Variants in FAM83E observed in about 807,000 individuals in gnomAD.
FAM83E encodes the protein scaffolding CK1 anchoring protein E.
A neutral mutation model predicts 34.3 loss-of-function variants in FAM83E; 29 were observed. The observed-to-expected ratio is 0.85, with a 90% CI of 0.63 to 1.15. The LOEUF (loss-of-function observed/expected upper bound fraction) is 1.15, where lower values mean the gene tolerates loss of function less well. Ranked by LOEUF, FAM83E falls within the 50% of genes most tolerant of loss-of-function variation. The pLI, the probability that FAM83E is intolerant of heterozygous loss-of-function variation, is 0.00. For synonymous variants in FAM83E, 312 were observed against 311.6 expected (o/e 1.00, Z -0.01); for missense variants, 697 against 685.0 (o/e 1.02, Z -0.20).
rs745813433 is a variant in FAM83E, at chr19:48,603,773, G to A, written c.897C>T (p.Pro299=). The part of the protein sequence containing the change: ...CPLPPAPPQK[P]SVIGGLQRGR... ...CCCGCTGCAGGCCACCTATGACCGAGGGTTTCTGGGGGGGCGCAGGTGGGA... is the reference window on the plus strand; with the variant it reads ...CCCGCTGCAGGCCACCTATGACCGAAGGTTTCTGGGGGGGCGCAGGTGGGA... Residue 299 remains proline (P), a synonymous_variant, in exon 6 of 7, where the codon CCC becomes CCT. Transcript: ENST00000263266. 2.6e-5 allele frequency: 41 copies of A among 1,587,842 alleles called. No homozygotes were observed. The highest frequency in any genetic ancestry group is 3.2e-5 in the Non-Finnish European group (38 of 1,169,582).
chr19:48,606,976 G>A (rs372910625), intron 5 of FAM83E: 14 of 1,603,178 alleles, frequency 8.7e-6, no homozygotes, highest in Non-Finnish European at 9.3e-6. Context: ...CCGCCAGGCC[G>A]CCATGGTCCT....
intron 3 of FAM83E, among the ~76,000 whole-genome samples, chr19:48,611,593 G>T (rs1974042876): frequency 6.7e-6 from 1 of 150,280 alleles, no homozygotes. Flanking sequence ...TCAGCCTCCA[G>T]AGTAGCTGGG....
At chr19:48,607,273 G>A (rs1451826190) in intron 5 of FAM83E, 1 of 1,602,302 alleles carries the variant, frequency 6.2e-7, no homozygotes, top group Non-Finnish European at 8.5e-7. Flanking sequence ...GTGTAACAGA[G>A]CCCCGAGCAG....
chr19:48,600,931 G>T lies in FAM83E; in HGVS notation c.*178C>A. On this transcript the variant is annotated 3_prime_UTR_variant, in exon 7 of 7. Transcript: ENST00000263266. ...GCCTCCCAAAGTGCAGGGATTACAG[G>T]CATGAGCCACCACTCCCGGCCCAAG... 7.3e-7 allele frequency: 1 copy of T among 1,364,762 alleles called. No homozygotes were observed. Among genetic ancestry groups the T allele is most frequent in the Non-Finnish European group, 9.6e-7 (1 of 1,045,878 alleles). The allele number at this position is 1,364,762 out of a possible 1,614,324, so 84.5% of individuals were successfully genotyped here. A position where few individuals can be genotyped will look rare whatever the true frequency, so the allele number is the denominator to read the frequency against.
At chr19:48,602,326 G>C (rs1468743296) in intron 6 of FAM83E, among the ~76,000 whole-genome samples, 1 of 150,986 alleles carries the variant, frequency 6.6e-6, no homozygotes, top group African/African-American at 2.4e-5. Context: ...AGCAGCAGGA[G>C]GAGGGACAGA....
intron 4 of FAM83E, 49 bp from the exon 5 acceptor site, chr19:48,610,049 T>C (rs1203462583): frequency 6.3e-7 from 1 of 1,594,190 alleles, no homozygotes; most frequent in Non-Finnish European, 8.5e-7. Flanking sequence ...GCCCACTGCA[T>C]GGATTCAGGC....
Position 48,612,705 on chromosome 19 carries a change from C to T in FAM83E, c.465+203G>A, listed in dbSNP as rs530123578. Among the ~76,000 whole-genome samples, 29 of 152,178 alleles carry T rather than the reference C, an allele frequency of 1.9e-4. No individual in the cohort carries two copies. In the South Asian group the frequency reaches 5.8e-3, roughly 31 times the overall value. The stretch of plus-strand genomic sequence containing the variant: ...GCGTGAGCCACCGCGCCCGGCCGGG[C>T]CCCCCTTTCTGAGAGTAAGGATGAG... On this transcript the variant is annotated intron_variant, in intron 3 of 6. Transcript: ENST00000263266.
rs573927938 is a variant in FAM83E at position 48,612,697 on chromosome 19, C to T, written c.465+211G>A. Reference sequence around the variant, plus strand: ...AATTACAGGCGTGAGCCACCGCGCCCGGCCGGGCCCCCCTTTCTGAGAGTA... The same window carrying T: ...AATTACAGGCGTGAGCCACCGCGCCTGGCCGGGCCCCCCTTTCTGAGAGTA... On this transcript the variant is annotated intron_variant, in intron 3 of 6. Coordinates refer to ENST00000263266, the MANE Select transcript of FAM83E (RefSeq NM_017708.4). Among the ~76,000 whole-genome samples, 17 of 152,240 alleles carry T rather than the reference C, an allele frequency of 1.1e-4. No individual in the cohort carries two copies. The South Asian group carries it at 2.7e-3, about 24-fold the overall frequency.
In FAM83E at chr19:48,603,534, C is replaced by G. The variant is rs745323940; in HGVS notation, c.1136G>C (p.Arg379Pro). The G allele has an allele frequency of 6.4e-7, 1 of 1,568,760 alleles. No homozygotes were observed. The highest frequency in any genetic ancestry group is 8.6e-7 in the Non-Finnish European group (1 of 1,165,584). The change falls in exon 6 of 7, where the codon CGC becomes CCC. Residue 379 changes from arginine to proline, a missense_variant. Arg to Pro is a moderately radical substitution (Grantham distance 103). Coordinates refer to ENST00000263266, the MANE Select transcript of FAM83E (RefSeq NM_017708.4). ...RPSRSMWDLS[R>P]LSQLSGSSDG... Reference sequence around the variant, plus strand: ...ACTGGAGCCAGACAGCTGGGACAGGCGGCTTAGGTCCCACATGGAGCGGCT... The same window carrying G: ...ACTGGAGCCAGACAGCTGGGACAGGGGGCTTAGGTCCCACATGGAGCGGCT...
intron 6 of FAM83E, among the ~76,000 whole-genome samples, chr19:48,601,773 A>G (rs1272481063): frequency 6.6e-6 from 1 of 151,304 alleles, no homozygotes; most frequent in East Asian, 1.9e-4. Flanking sequence ...TCAAAAAAAA[A>G]AAAAGGAAGT....
intron 3 of FAM83E, among the ~76,000 whole-genome samples, chr19:48,612,141 T>G (rs1439961059): frequency 2.0e-5 from 3 of 152,164 alleles, no homozygotes; most frequent in African/African-American, 7.2e-5. Context: ...CGGTACAGGG[T>G]TCCGGGACGA....
rs980234267 is a variant in FAM83E at position 48,612,889 on chromosome 19, G to C, written c.465+19C>G. Reference sequence around the variant, plus strand: ...CGTCCCAGTCTGGTGAATGGACACAGGGCCCCCGCGACACCCACCTTGTGG... The same window carrying C: ...CGTCCCAGTCTGGTGAATGGACACACGGCCCCCGCGACACCCACCTTGTGG... On this transcript the variant is annotated intron_variant, in intron 3 of 6. Coordinates refer to ENST00000263266, the MANE Select transcript of FAM83E (RefSeq NM_017708.4). 6.6e-7 allele frequency: 1 copy of C among 1,512,028 alleles called. No homozygotes were observed. Among genetic ancestry groups the C allele is most frequent in the African/African-American group, 1.4e-5 (1 of 72,376 alleles). 93.7% of individuals were successfully genotyped at this position (1,512,028 alleles called of 1,614,324 possible). A position where few individuals can be genotyped will look rare whatever the true frequency, so the allele number is the denominator to read the frequency against.
chr19:48,602,543 G>A (rs956967162), intron 6 of FAM83E, among the ~76,000 whole-genome samples: 1 of 150,524 alleles, frequency 6.6e-6, no homozygotes, highest in Non-Finnish European at 1.5e-5. Context: ...GGGGATGCTG[G>A]GTGAGGGTGC....
chr19:48,609,333 G>A (rs1262004499), intron 5 of FAM83E, among the ~76,000 whole-genome samples: 1 of 137,792 alleles, frequency 7.3e-6, no homozygotes, highest in Non-Finnish European at 1.5e-5. Context: ...GCTGGAGTGC[G>A]ACAGCGCGAT....
rs1200749550 is a variant in FAM83E, at chr19:48,613,711, C to T, written c.-339G>A. ...GTCAGGTTGACCTCCTGACACCATC[C>T]CCAACTGTGTGACCCATCAGCTGGC... is the stretch of plus-strand genomic sequence containing the variant. On this transcript the variant is annotated 5_prime_UTR_variant, in exon 3 of 7. Transcript: ENST00000263266. 5.9e-6 allele frequency: 7 copies of T among 1,192,420 alleles called. No homozygotes were observed. In the African/African-American group the frequency reaches 1.1e-4, roughly 19 times the overall value. 73.9% of individuals were successfully genotyped at this position (1,192,420 alleles called of 1,614,324 possible).
In FAM83E at chr19:48,613,074, T is replaced by C. The variant is rs979819363; in HGVS notation, c.299A>G (p.Tyr100Cys). ...CGGCTGCTCCGACTGCCCAGGCCAG[T>C]AGCTCAGGCTGCCCGCGTCCACATC... is the stretch of plus-strand genomic sequence containing the variant. ...TTDVDAGSLS[Y>C]WPGQSEQPAP... Residue 100 changes from tyrosine (Y) to cysteine (C), a missense_variant, in exon 3 of 7, where the codon TAC (tyrosine) becomes TGC (cysteine). Physicochemically the swap from Tyr to Cys is radical, Grantham distance 194 (BLOSUM62 -2). Coordinates refer to ENST00000263266, the MANE Select transcript of FAM83E (RefSeq NM_017708.4). The C allele has an allele frequency of 1.2e-6, 2 of 1,607,748 alleles. No homozygotes were observed. Among genetic ancestry groups the C allele is most frequent in the Admixed American group, 3.4e-5 (2 of 59,068 alleles).
Position 48,600,986 on chromosome 19 carries a change from G to C in FAM83E, c.*123C>G. The C allele has an allele frequency of 5.4e-6, 8 of 1,476,486 alleles. No individual in the cohort carries two copies. Among genetic ancestry groups the C allele is most frequent in the Non-Finnish European group, 7.1e-6 (8 of 1,121,178 alleles). The allele number at this position is 1,476,486 out of a possible 1,614,324, so 91.5% of individuals were successfully genotyped here. ...AGAACAAGTGACAAACATCCCTTCT[G>C]CTTGACAGACGCCGAGGCCAGAAGC... On this transcript the variant is annotated 3_prime_UTR_variant, in exon 7 of 7. Transcript: ENST00000263266.
Position 48,614,472 on chromosome 19 carries a change from CT to C in FAM83E, c.-1101del, listed in dbSNP as rs1025007078. ...CTTCTTCCCGGACAGGGGCCAGTCT[CT>C]ATCTCGCCCTGTCTCCCTCCCAAGC... On this transcript the variant is annotated 5_prime_UTR_variant, in exon 3 of 7. In the 5' UTR this introduces an upstream ATG that the reference lacks. Coordinates refer to ENST00000263266, the MANE Select transcript of FAM83E (RefSeq NM_017708.4). 7.1e-6 allele frequency: 7 copies of C among 985,452 alleles called. No individual in the cohort carries two copies. The African/African-American group carries it at 1.0e-4, about 15-fold the overall frequency. The allele number at this position is 985,452 out of a possible 1,614,324, so 61.0% of individuals were successfully genotyped here. A position where few individuals can be genotyped will look rare whatever the true frequency, so the allele number is the denominator to read the frequency against.
rs395262 is a variant in FAM83E, at chr19:48,600,484, C to T, written c.*625G>A. On this transcript the variant is annotated 3_prime_UTR_variant, in exon 7 of 7. Coordinates refer to ENST00000263266, the MANE Select transcript of FAM83E (RefSeq NM_017708.4). ...CTAAGTAGCTGGGATTACAGGCGCC[C>T]GCCACCACACCTGGCTAATTTTTGT... 0.043 allele frequency among the ~76,000 whole-genome samples: 6,496 copies of T among 152,038 alleles called. 379 individuals are homozygous for T. Among genetic ancestry groups the T allele is most frequent in the East Asian group, 0.25 (1,273 of 5,136 alleles).
Sources: allele counts gnomAD v4.1 joint callset (sites outside exome capture counted in the v4.1 genomes callset), GRCh38; gene constraint gnomAD v4.1.1; transcripts MANE v1.5; gene names NCBI Gene and HGNC (gene_info 2026-07-23, HGNC 2026-07-21).